Variants in ELMO1 observed in about 807,000 individuals in gnomAD.
ELMO1 encodes engulfment and cell motility 1.
A neutral mutation model predicts 98.9 loss-of-function variants in ELMO1; 26 were observed. The observed-to-expected ratio is 0.26, with a 90% CI of 0.19 to 0.36. ELMO1 has a LOEUF of 0.36. Ranked by LOEUF, ELMO1 falls within the 10% of genes least tolerant of loss-of-function variation. The pLI is 1.00. For synonymous variants in ELMO1, 346 were observed against 346.0 expected, an observed-to-expected ratio of 1.00 and a Z score of 0.00; for missense variants, 627 against 935.2, an observed-to-expected ratio of 0.67 and a Z score of 4.30.
At chr7:37,276,138 C>T (rs1796819567) in intron 4 of ELMO1, among the ~76,000 whole-genome samples, 3 of 152,130 alleles carry the variant, frequency 2.0e-5, no homozygotes, top group South Asian at 4.2e-4. Context: ...CTCATGTCCC[C>T]GGCTTCCTCC....
intron 1 of ELMO1, among the ~76,000 whole-genome samples, chr7:37,384,217 T>C (rs2131395745): frequency 6.6e-6 from 1 of 152,326 alleles, no homozygotes; most frequent in South Asian, 2.1e-4. Context: ...ATTTTGATAA[T>C]ACAGATTATT....
chr7:37,050,136 T>G (rs1318038493), intron 15 of ELMO1, among the ~76,000 whole-genome samples: 6 of 152,124 alleles, frequency 3.9e-5, no homozygotes, highest in African/African-American at 1.4e-4. Flanking sequence ...TAGAGTGCAG[T>G]GGTGCAACCT....
intron 8 of ELMO1, among the ~76,000 whole-genome samples, chr7:37,225,986 C>G (rs1176133165): frequency 1.3e-5 from 2 of 152,172 alleles, no homozygotes; most frequent in Admixed American, 1.3e-4. Context: ...CTAATTTCTC[C>G]CTTTTTTGCT....
intron 13 of ELMO1, among the ~76,000 whole-genome samples, chr7:37,167,358 T>A (rs1389739886): frequency 6.6e-6 from 1 of 152,098 alleles, no homozygotes; most frequent in Non-Finnish European, 1.5e-5. Context: ...AATAGTGTTA[T>A]GTGTGAATTT....
At chr7:36,991,513 T>C (rs1425888165) in intron 16 of ELMO1, among the ~76,000 whole-genome samples, 1 of 152,246 alleles carries the variant, frequency 6.6e-6, no homozygotes, top group Non-Finnish European at 1.5e-5. Flanking sequence ...TCATTTTACA[T>C]GGTGCATTTT....
intron 15 of ELMO1, among the ~76,000 whole-genome samples, chr7:37,079,053 T>A (rs1043930860): frequency 1.3e-5 from 2 of 152,174 alleles, no homozygotes; most frequent in African/African-American, 4.8e-5. Flanking sequence ...GTGTGCACTA[T>A]CTAATTCAGA....
intron 16 of ELMO1, among the ~76,000 whole-genome samples, chr7:36,901,110 C>G (rs1372982859): frequency 6.6e-6 from 1 of 152,138 alleles, no homozygotes; most frequent in East Asian, 1.9e-4. Flanking sequence ...AATTATTGAT[C>G]CCTCCCTGGC....
intron 1 of ELMO1, among the ~76,000 whole-genome samples, chr7:37,372,353 C>T (rs1247583452): frequency 6.6e-6 from 1 of 152,086 alleles, no homozygotes; most frequent in African/African-American, 2.4e-5. Flanking sequence ...ATCGGTTAAC[C>T]TTGACAGGCC....
intron 16 of ELMO1, among the ~76,000 whole-genome samples, chr7:36,952,916 C>G (rs1788095112): frequency 6.8e-6 from 1 of 148,066 alleles, no homozygotes; most frequent in African/African-American, 2.5e-5. Flanking sequence ...ACTCTCAAGA[C>G]ATTTCAATAT....
intron 3 of ELMO1, 71 bp from the exon 4 acceptor site, chr7:37,314,993 T>C (rs1799080225): frequency 7.4e-7 from 1 of 1,352,426 alleles, no homozygotes; most frequent in Admixed American, 1.8e-5. Flanking sequence ...TTTTTTAGTG[T>C]TGGATGAACT....
chr7:36,944,850 C>A (rs1354809619), intron 16 of ELMO1, among the ~76,000 whole-genome samples: 1 of 152,186 alleles, frequency 6.6e-6, no homozygotes, highest in East Asian at 1.9e-4. Context: ...CACTAGTACA[C>A]CTTCTTAATG....
chr7:37,092,497 G>C (rs1372630180), intron 15 of ELMO1, among the ~76,000 whole-genome samples: 1 of 146,932 alleles, frequency 6.8e-6, no homozygotes, highest in East Asian at 2.1e-4. Flanking sequence ...TCCTGCCTCA[G>C]CCTCCTAAGT....
At chr7:37,166,572 T>G (rs1422338390) in intron 13 of ELMO1, among the ~76,000 whole-genome samples, 4 of 152,166 alleles carry the variant, frequency 2.6e-5, no homozygotes, top group Non-Finnish European at 4.4e-5. Flanking sequence ...AACATCTTTA[T>G]TTTTGCCTTC....
At chr7:37,022,518 AAAC>A (rs1253558211) in intron 15 of ELMO1, among the ~76,000 whole-genome samples, 1 of 152,352 alleles carries the variant, frequency 6.6e-6, no homozygotes, top group African/African-American at 2.4e-5. Context: ...ATGCAGCTTT[AAAC>A]AACAATGAGC....
intron 4 of ELMO1, among the ~76,000 whole-genome samples, chr7:37,307,798 C>G (rs762450864): frequency 3.9e-5 from 6 of 152,174 alleles, no homozygotes; most frequent in Non-Finnish European, 4.4e-5. Context: ...CATTTGTTGT[C>G]AATCTCTATG....
At chr7:37,167,352 G>T (rs1360080953) in intron 13 of ELMO1, among the ~76,000 whole-genome samples, 1 of 151,852 alleles carries the variant, frequency 6.6e-6, no homozygotes, top group African/African-American at 2.4e-5. Context: ...AAAGTTAATA[G>T]TGTTATGTGT....
At chr7:37,290,850 TTGATGATGA>T (rs66521312) in intron 4 of ELMO1, among the ~76,000 whole-genome samples, 1 of 151,184 alleles carries the variant, frequency 6.6e-6, no homozygotes, top group Admixed American at 6.6e-5. Context: ...CAGGGTGATT[TTGATGATGA>T]TGATGATGAT....
intron 14 of ELMO1, among the ~76,000 whole-genome samples, chr7:37,115,547 T>A (rs1033611608): frequency 6.6e-6 from 1 of 151,306 alleles, no homozygotes; most frequent in African/African-American, 2.4e-5. Context: ...AATCTAACAC[T>A]CATTCATGAT....
At chr7:36,972,716 C>A (rs1338026464) in intron 16 of ELMO1, among the ~76,000 whole-genome samples, 1 of 152,204 alleles carries the variant, frequency 6.6e-6, no homozygotes, top group Admixed American at 6.5e-5. Context: ...AAGACCCTAT[C>A]TCCAAATAAG....
Sources: gnomAD v4.1 joint callset for allele counts (sites outside exome capture counted in the v4.1 genomes callset) on GRCh38, gnomAD v4.1.1 for gene constraint, MANE v1.5 for transcripts, NCBI Gene and HGNC (gene_info 2026-07-23, HGNC 2026-07-21) for gene names.